The following SIK3 variants were observed in gnomAD, a reference collection of about 807,000 sequenced individuals.
SIK3 encodes the protein SIK family kinase 3.
SIK3 carries 28 observed loss-of-function variants against 144.2 expected under a neutral mutation model. The observed-to-expected ratio is 0.19, with a 90% CI of 0.14 to 0.27. The LOEUF is 0.27. Ranked by LOEUF, SIK3 falls within the 10% of genes least tolerant of loss-of-function variation. SIK3 has a pLI of 1.00. For missense variants in SIK3, 1,319 were observed against 1,776.0 expected (o/e 0.74, Z 4.62); for synonymous variants, 686 against 676.3 (o/e 1.01, Z -0.22).
At chr11:116,926,988 T>G (rs1947311389) in intron 4 of SIK3, among the ~76,000 whole-genome samples, 1 of 138,384 alleles carries the variant, frequency 7.2e-6, no homozygotes, top group Non-Finnish European at 1.5e-5. Flanking sequence ...ACCACTGCAC[T>G]CCAGCCTGGG....
chr11:116,976,638 G>GAT (rs1949956092), intron 1 of SIK3, among the ~76,000 whole-genome samples: 1 of 152,174 alleles, frequency 6.6e-6, no homozygotes, highest in Non-Finnish European at 1.5e-5. Context: ...TCCAGATATT[G>GAT]ATAGTTATCT....
chr11:117,064,647 C>A (rs17120271), intron 1 of SIK3, among the ~76,000 whole-genome samples: 1 of 152,098 alleles, frequency 6.6e-6, no homozygotes, highest in East Asian at 1.9e-4. Context: ...ATACCTACAA[C>A]GGCTGCTTTT....
intron 1 of SIK3, among the ~76,000 whole-genome samples, chr11:117,009,003 G>C (rs1661112675): frequency 1.3e-5 from 2 of 152,114 alleles, no homozygotes; most frequent in Admixed American, 1.3e-4. Flanking sequence ...GGGAGGCCGA[G>C]GCAGGTGGAT....
At chr11:117,016,748 A>G (rs573990306) in intron 1 of SIK3, among the ~76,000 whole-genome samples, 32 of 152,348 alleles carry the variant, frequency 2.1e-4, no homozygotes, top group African/African-American at 7.7e-4. Flanking sequence ...TCAAGACATC[A>G]TGGCGTATAC....
At chr11:116,882,962 A>G (rs926158336) in intron 6 of SIK3, among the ~76,000 whole-genome samples, 7 of 152,264 alleles carry the variant, frequency 4.6e-5, no homozygotes, top group Non-Finnish European at 1.0e-4. Context: ...ATGGAAAATG[A>G]ATTACTTGAC....
At chr11:116,875,102 G>T in intron 11 of SIK3, 56 bp downstream of exon 11, 1 of 1,392,554 alleles carries the variant, frequency 7.2e-7, no homozygotes, top group Non-Finnish European at 1.0e-6. Context: ...GACACTGAAA[G>T]TCAGGTGACA....
At chr11:116,988,537 TTGGGA>T (rs1274434601) in intron 1 of SIK3, among the ~76,000 whole-genome samples, 1 of 152,248 alleles carries the variant, frequency 6.6e-6, no homozygotes, top group African/African-American at 2.4e-5. Context: ...TCCCAGCACT[TTGGGA>T]TGCCGAGGCA....
chr11:116,904,504 T>A (rs946308167), intron 4 of SIK3, among the ~76,000 whole-genome samples: 3 of 152,198 alleles, frequency 2.0e-5, no homozygotes, highest in African/African-American at 7.2e-5. Flanking sequence ...TTAAAAATTT[T>A]ATTAGACTTC....
chr11:116,964,362 G>C (rs1225235893), intron 1 of SIK3, among the ~76,000 whole-genome samples: 1 of 152,034 alleles, frequency 6.6e-6, no homozygotes. Context: ...CAAGTACTAA[G>C]GGGCAAAACA....
intron 3 of SIK3, among the ~76,000 whole-genome samples, chr11:116,952,824 T>C (rs1380193137): frequency 1.3e-5 from 2 of 152,210 alleles, no homozygotes; most frequent in South Asian, 2.1e-4. Context: ...ATAATTATCA[T>C]ACATAGTGAA....
intron 1 of SIK3, among the ~76,000 whole-genome samples, chr11:117,076,983 C>G (rs1205683980): frequency 1.3e-5 from 2 of 152,180 alleles, no homozygotes; most frequent in Non-Finnish European, 2.9e-5. Flanking sequence ...AACCGAGACA[C>G]TGTCTATACT....
At chr11:117,019,772 C>A (rs138975985) in intron 1 of SIK3, among the ~76,000 whole-genome samples, 7 of 151,928 alleles carry the variant, frequency 4.6e-5, no homozygotes, top group African/African-American at 1.7e-4. Context: ...TGCCACCACG[C>A]CCGGCTAATT....
At chr11:116,987,750 G>A (rs532957942) in intron 1 of SIK3, among the ~76,000 whole-genome samples, 5 of 152,236 alleles carry the variant, frequency 3.3e-5, no homozygotes, top group South Asian at 2.1e-4. Flanking sequence ...AGTAAACCAC[G>A]TCCACCAGAA....
In SIK3 at chr11:116,915,300, C is replaced by T. The variant is rs113328203; in HGVS notation, c.616+11919G>A. Among the ~76,000 whole-genome samples, 26 of 152,050 alleles carry T rather than the reference C, an allele frequency of 1.7e-4. No individual in the cohort carries two copies. The East Asian group carries it at 2.3e-3, about 14-fold the overall frequency. On this transcript the variant is annotated intron_variant, in intron 4 of 24. Transcript: ENST00000445177. ...GTGCTGGGATTACAAGCATGAACCA[C>T]GGCACCTGGCTTTGGAAGCCACAAA...
intron 3 of SIK3, among the ~76,000 whole-genome samples, chr11:116,933,663 C>A (rs186330965): frequency 6.6e-6 from 1 of 151,958 alleles, no homozygotes; most frequent in Non-Finnish European, 1.5e-5. Flanking sequence ...TCTCAAGAGA[C>A]AAGGTCTTGC....
At chr11:117,049,535 G>A (rs9971503) in intron 1 of SIK3, among the ~76,000 whole-genome samples, 47 of 152,010 alleles carry the variant, frequency 3.1e-4, no homozygotes, top group African/African-American at 6.3e-4. Context: ...CCGAGATCGC[G>A]CCACTGCATA....
chr11:117,068,490 T>C (rs952964398), intron 1 of SIK3, among the ~76,000 whole-genome samples: 2 of 152,236 alleles, frequency 1.3e-5, no homozygotes, highest in Non-Finnish European at 2.9e-5. Context: ...GGCTCATGCC[T>C]GTAAACCTAG....
chr11:116,977,540 A>G (rs1262750548), intron 1 of SIK3, among the ~76,000 whole-genome samples: 1 of 152,142 alleles, frequency 6.6e-6, no homozygotes, highest in Admixed American at 6.5e-5. Flanking sequence ...GTCTGTGTGT[A>G]ATTATTGGGT....
chr11:116,897,598 A>C (rs1945478958), intron 4 of SIK3, among the ~76,000 whole-genome samples: 1 of 152,220 alleles, frequency 6.6e-6, no homozygotes, highest in Admixed American at 6.5e-5. Flanking sequence ...TTCCTTTAAG[A>C]ATGCAAATGG....
Sources: allele counts gnomAD v4.1 joint callset (sites outside exome capture counted in the v4.1 genomes callset), GRCh38; gene constraint gnomAD v4.1.1; transcripts MANE v1.5; gene names NCBI Gene and HGNC (gene_info 2026-07-23, HGNC 2026-07-21).